The following TRPS1 variants were observed in gnomAD, a reference collection of about 807,000 sequenced individuals.
TRPS1 encodes zinc finger transcription factor Trps1.
In TRPS1, 6 loss-of-function variants were observed where a neutral mutation model predicts 101.2. That is an observed-to-expected ratio of 0.06 (90% CI 0.03 to 0.12). The LOEUF is 0.12. Ranked by LOEUF, TRPS1 falls within the 10% of genes least tolerant of loss-of-function variation. The pLI, the probability that TRPS1 is intolerant of heterozygous loss-of-function variation, is 1.00. For synonymous variants in TRPS1, 578 were observed against 589.8 expected (o/e 0.98, Z 0.29); for missense variants, 1,363 against 1,567.0 (o/e 0.87, Z 2.20).
At chr8:115,668,002 A>G (rs1356728666) in intron 1 of TRPS1, 6 of 1,153,012 alleles carry the variant, frequency 5.2e-6, no homozygotes, top group Non-Finnish European at 1.2e-6. Flanking sequence ...CCGGTAGGAG[A>G]GAATTAAAAT....
At chr8:115,430,607 G>C (rs989905544) in intron 5 of TRPS1, among the ~76,000 whole-genome samples, 2 of 152,132 alleles carry the variant, frequency 1.3e-5, no homozygotes, top group Non-Finnish European at 2.9e-5. Context: ...TCTGGGCCAT[G>C]TTTAGGCCCA....
At chr8:115,488,079 A>C (rs1199877397) in intron 5 of TRPS1, among the ~76,000 whole-genome samples, 1 of 152,198 alleles carries the variant, frequency 6.6e-6, no homozygotes, top group Non-Finnish European at 1.5e-5. Context: ...CCTTCAGCAG[A>C]CACCACCCTG....
At chr8:115,512,597 G>A (rs150433268) in intron 5 of TRPS1, among the ~76,000 whole-genome samples, 14 of 150,830 alleles carry the variant, frequency 9.3e-5, no homozygotes, top group African/African-American at 2.9e-4. Flanking sequence ...ATTTTTGGCC[G>A]GAAAATACTA....
chr8:115,642,152 T>C (rs1818913543), intron 1 of TRPS1, among the ~76,000 whole-genome samples: 1 of 150,516 alleles, frequency 6.6e-6, no homozygotes, highest in Admixed American at 6.6e-5. Context: ...AGTTCAAGGC[T>C]ACAGAGAGCT....
Position 115,418,286 on chromosome 8 carries a change from C to T in TRPS1, c.2823+44G>A, listed in dbSNP as rs373684374. On this transcript the variant is annotated intron_variant, in intron 6 of 6. Transcript: ENST00000395715. The surrounding 1 kb of genome is among the most constrained non-coding windows in gnomAD (Gnocchi z 4.3). ...TATCACACCACAGACCAGGCCAACA[C>T]TGCTTTATAAAGCTTTTCCTGAAAG... 9 of 1,613,842 alleles carry T rather than the reference C, an allele frequency of 5.6e-6. No individual in the cohort carries two copies. Among genetic ancestry groups the T allele is most frequent in the Non-Finnish European group, 7.6e-6 (9 of 1,179,792 alleles).
chr8:115,448,841 A>C (rs2129917224), intron 5 of TRPS1, among the ~76,000 whole-genome samples: 1 of 152,322 alleles, frequency 6.6e-6, no homozygotes, highest in South Asian at 2.1e-4. Flanking sequence ...CAAAATCATA[A>C]TGTCTCCTGA....
intron 5 of TRPS1, among the ~76,000 whole-genome samples, chr8:115,463,895 TATATA>T (rs1221507488): frequency 1.3e-5 from 2 of 151,620 alleles, no homozygotes; most frequent in Admixed American, 6.6e-5. Flanking sequence ...TTTAATAAAA[TATATA>T]ATATAAAATA....
chr8:115,466,648 A>G (rs1007295801), intron 5 of TRPS1, among the ~76,000 whole-genome samples: 2 of 152,114 alleles, frequency 1.3e-5, no homozygotes, highest in Non-Finnish European at 2.9e-5. Context: ...AGGGAGCAGG[A>G]TAAAAGAGAA....
intron 5 of TRPS1, among the ~76,000 whole-genome samples, chr8:115,537,137 C>T (rs529852838): frequency 6.6e-6 from 1 of 152,130 alleles, no homozygotes; most frequent in Admixed American, 6.5e-5. Context: ...CCCACCCTGC[C>T]AAAATAAATC....
At chr8:115,492,494 TGTTC>T (rs1212415339) in intron 5 of TRPS1, among the ~76,000 whole-genome samples, 1 of 147,484 alleles carries the variant, frequency 6.8e-6, no homozygotes, top group Non-Finnish European at 1.5e-5. Context: ...TGCGTGTGCG[TGTTC>T]GTGTGTGTGT....
intron 5 of TRPS1, among the ~76,000 whole-genome samples, chr8:115,520,744 G>T (rs1355995049): frequency 2.6e-5 from 4 of 151,738 alleles, no homozygotes; most frequent in Non-Finnish European, 4.4e-5. Flanking sequence ...CTTCTGTGAA[G>T]TACATGTTAA....
At chr8:115,623,817 G>C in intron 1 of TRPS1, 59 bp from the exon 2 acceptor site, 1 of 1,376,428 alleles carries the variant, frequency 7.3e-7, no homozygotes. Flanking sequence ...ATATTTTCAT[G>C]TATCACACCT....
At position 115,412,741 on chromosome 8, in the gene TRPS1, C is replaced by T. The variant is rs530457790; in HGVS notation, c.*1282G>A. On this transcript the variant is annotated 3_prime_UTR_variant, in exon 7 of 7. Coordinates refer to ENST00000395715, the MANE Select transcript of TRPS1 (RefSeq NM_014112.5). ...AAGCATTGAGGCTCGACTAACAGCACCTTTAACCAATTATTTAATGTTCAG... is the reference window on the plus strand; with the variant it reads ...AAGCATTGAGGCTCGACTAACAGCATCTTTAACCAATTATTTAATGTTCAG... 1 of 152,624 alleles carries T rather than the reference C, an allele frequency of 6.6e-6. No homozygotes were observed. Among genetic ancestry groups the T allele is most frequent in the African/African-American group, 2.4e-5 (1 of 41,552 alleles). 9.5% of individuals were successfully genotyped at this position (152,624 alleles called of 1,614,324 possible). A position where few individuals can be genotyped will look rare whatever the true frequency, so the allele number is the denominator to read the frequency against.
intron 5 of TRPS1, among the ~76,000 whole-genome samples, chr8:115,573,609 C>T (rs771591509): frequency 3.3e-5 from 5 of 152,110 alleles, no homozygotes; most frequent in Non-Finnish European, 5.9e-5. Flanking sequence ...CTTTCCATGT[C>T]AACCTATGTA....
chr8:115,513,751 T>C (rs1264273806), intron 5 of TRPS1, among the ~76,000 whole-genome samples: 1 of 151,654 alleles, frequency 6.6e-6, no homozygotes, highest in African/African-American at 2.4e-5. Flanking sequence ...TCTAGTTTTC[T>C]CATAGTTCCT....
intron 1 of TRPS1, among the ~76,000 whole-genome samples, chr8:115,648,787 C>G (rs189405992): frequency 6.6e-6 from 1 of 152,178 alleles, no homozygotes; most frequent in East Asian, 1.9e-4. Flanking sequence ...CTAACAGACA[C>G]GCTGGATAAT....
chr8:115,636,739 C>A (rs1219614160), intron 1 of TRPS1, among the ~76,000 whole-genome samples: 3 of 151,838 alleles, frequency 2.0e-5, no homozygotes, highest in South Asian at 2.1e-4. Context: ...CATGGTGAAA[C>A]CCTCTCTACC....
At chr8:115,520,927 T>C (rs1815845863) in intron 5 of TRPS1, among the ~76,000 whole-genome samples, 2 of 151,872 alleles carry the variant, frequency 1.3e-5, no homozygotes, top group South Asian at 2.1e-4. Context: ...TCTATATTTG[T>C]ACAGGTGTGA....
chr8:115,667,841 C>A lies in TRPS1; in HGVS notation c.-122+704G>T, dbSNP rs533310600. The A allele has an allele frequency of 4.7e-5, 72 of 1,535,178 alleles. No homozygotes were observed. The African/African-American group carries it at 5.7e-4, about 12-fold the overall frequency. ...ACCATACGGAGGCCCGTCTCTGAGA[C>A]CCTCCCGACCCTCCCGAGTTCGCCC... On this transcript the variant is annotated intron_variant, in intron 1 of 6. Transcript: ENST00000395715.
Sources: gnomAD v4.1 joint callset for allele counts (sites outside exome capture counted in the v4.1 genomes callset) on GRCh38, gnomAD v4.1.1 for gene constraint, Gnocchi (gnomAD v3.1) non-coding constraint, MANE v1.5 for transcripts, NCBI Gene and HGNC (gene_info 2026-07-23, HGNC 2026-07-21) for gene names.